The following IQUB variants were observed in gnomAD, a reference collection of about 807,000 sequenced individuals.
IQUB encodes the protein IQ motif and ubiquitin-like domain-containing protein.
IQUB carries 86 observed loss-of-function variants against 86.4 expected under a neutral mutation model. That is an observed-to-expected ratio of 1.00 (90% CI 0.84 to 1.19). IQUB has a LOEUF of 1.19. Ranked by LOEUF, IQUB falls within the 50% of genes most tolerant of loss-of-function variation. The probability of loss-of-function intolerance (pLI) is 0.00; values close to 1 mark genes in which losing one functional copy is unlikely to be tolerated. For missense variants in IQUB, 946 were observed against 916.9 expected (o/e 1.03, Z -0.41); for synonymous variants, 289 against 304.5 (o/e 0.95, Z 0.53).
chr7:123,477,231 C>G (rs1794784508), intron 8 of IQUB, among the ~76,000 whole-genome samples: 1 of 152,084 alleles, frequency 6.6e-6, no homozygotes, highest in African/African-American at 2.4e-5. Context: ...GTACTGGTAT[C>G]AAAACAGAGA....
At chr7:123,469,452 C>A (rs1794427869) in intron 8 of IQUB, 68 bp from the exon 9 acceptor site, 1 of 858,330 alleles carries the variant, frequency 1.2e-6, no homozygotes, top group Non-Finnish European at 1.7e-6. Flanking sequence ...TTTGCTCCTT[C>A]TACTAAAAGT....
chr7:123,472,061 T>A (rs1429591921), intron 8 of IQUB, among the ~76,000 whole-genome samples: 1 of 151,796 alleles, frequency 6.6e-6, no homozygotes, highest in Non-Finnish European at 1.5e-5. Flanking sequence ...AACACGGTGA[T>A]AACTCATCTC....
chr7:123,477,118 C>T (rs1358408454), intron 8 of IQUB, among the ~76,000 whole-genome samples: 1 of 152,102 alleles, frequency 6.6e-6, no homozygotes, highest in Non-Finnish European at 1.5e-5. Flanking sequence ...CAAAAGAGAG[C>T]CCGCATTACC....
chr7:123,525,957 G>A (rs1293287155), intron 1 of IQUB, among the ~76,000 whole-genome samples: 2 of 136,952 alleles, frequency 1.5e-5, no homozygotes, highest in Admixed American at 1.5e-4. Context: ...ATTTTGTTAT[G>A]TACCCAGTAG....
intron 12 of IQUB, among the ~76,000 whole-genome samples, chr7:123,455,197 T>A (rs1793633700): frequency 6.6e-6 from 1 of 152,084 alleles, no homozygotes; most frequent in African/African-American, 2.4e-5. Flanking sequence ...GTAATTAGCA[T>A]ATTCATCTCA....
At chr7:123,522,385 G>A (rs1012503838) in intron 1 of IQUB, among the ~76,000 whole-genome samples, 2 of 152,148 alleles carry the variant, frequency 1.3e-5, no homozygotes, top group African/African-American at 2.4e-5. Flanking sequence ...AGGGTAAAAC[G>A]CCAGACCCCT....
chr7:123,512,180 T>C lies in IQUB; in HGVS notation c.161A>G (p.Glu54Gly), dbSNP rs1796447962. The C allele has an allele frequency of 6.2e-7, 1 of 1,614,086 alleles. No homozygotes were observed. Among genetic ancestry groups the C allele is most frequent in the Non-Finnish European group, 8.5e-7 (1 of 1,179,946 alleles). Residue 54 changes from glutamate (E) to glycine (G), a missense_variant, in exon 2 of 13, where the codon GAG becomes GGG. Transcript: ENST00000324698. Reference protein sequence around the residue: ...EHESGIEQFSESHAIHVEEQS... With the variant: ...EHESGIEQFSGSHAIHVEEQS... ...CTCCTCAACATGTATTGCATGGCTC[T>C]CACTGAATTGTTCTATTCCAGATTC...
At chr7:123,484,536 CAATCCTATTTT>C (rs1795138975) in intron 7 of IQUB, among the ~76,000 whole-genome samples, 1 of 151,916 alleles carries the variant, frequency 6.6e-6, no homozygotes, top group Non-Finnish European at 1.5e-5. Context: ...ATGATATTAG[CAATCCTATTTT>C]ATTTCCCAGT....
chr7:123,480,011 C>A, intron 7 of IQUB, 41 bp from the exon 8 acceptor site: 5 of 1,490,768 alleles, frequency 3.4e-6, no homozygotes, highest in Non-Finnish European at 3.6e-6. Context: ...TTTTAAAAAT[C>A]CCATCTTGAA....
At chr7:123,457,630 T>C (rs1793768613) in intron 11 of IQUB, 64 bp from the exon 12 acceptor site, 2 of 1,171,516 alleles carry the variant, frequency 1.7e-6, no homozygotes, top group Admixed American at 4.7e-5. Context: ...ATTATATTAC[T>C]TGAGCAAATA....
At chr7:123,502,046 T>A (rs2117200099) in intron 6 of IQUB, 1 of 152,864 alleles carries the variant, frequency 6.5e-6, no homozygotes, top group Admixed American at 6.5e-5. Flanking sequence ...GGTCTTGGGC[T>A]GAATAGCCTA....
At chr7:123,460,166 T>C (rs4727971) in intron 11 of IQUB, among the ~76,000 whole-genome samples, 124,458 of 151,860 alleles carry the variant, frequency 0.82, 51,054 homozygotes, top group African/African-American at 0.84. Flanking sequence ...ACAAGTTAGT[T>C]AACCACTCAG....
chr7:123,510,140 T>C (rs1917708), intron 2 of IQUB, 105 bp from the exon 3 acceptor site: 194,089 of 698,944 alleles, frequency 0.28, 27,652 homozygotes, highest in East Asian at 0.33. Flanking sequence ...TTTAATTACA[T>C]AGAATACAAG....
chr7:123,490,944 A>G (rs1795431791), intron 7 of IQUB, among the ~76,000 whole-genome samples: 1 of 151,492 alleles, frequency 6.6e-6, no homozygotes. Context: ...AGCCTGGGCA[A>G]CAAGAGCAAA....
intron 7 of IQUB, among the ~76,000 whole-genome samples, chr7:123,482,412 G>A (rs184600482): frequency 1.1e-4 from 17 of 151,950 alleles, no homozygotes; most frequent in East Asian, 7.7e-4. Flanking sequence ...CATTTATATA[G>A]ACATATCATA....
At chr7:123,479,026 A>C (rs184684456) in intron 8 of IQUB, among the ~76,000 whole-genome samples, 11 of 152,284 alleles carry the variant, frequency 7.2e-5, no homozygotes, top group Non-Finnish European at 1.6e-4. Flanking sequence ...GGAGTGAAGA[A>C]GATGAGAGGA....
Position 123,517,688 on chromosome 7 carries a change from A to G in IQUB, c.-4-5344T>C, listed in dbSNP as rs185506935. Among the ~76,000 whole-genome samples the G allele has an allele frequency of 9.9e-5, 15 of 152,268 alleles. No homozygotes were observed. The East Asian group carries it at 2.9e-3, about 29-fold the overall frequency. On this transcript the variant is annotated intron_variant, in intron 1 of 12. Transcript: ENST00000324698. ...CACAGGGAACTGTCTTCCATGAGGA[A>G]TCAGAACCATCCATGGACCAACAAC...
chr7:123,452,998 C>CGGTGCCTT, intron 12 of IQUB, 73 bp from the exon 13 acceptor site: 2 of 1,139,930 alleles, frequency 1.8e-6, no homozygotes, highest in Non-Finnish European at 2.5e-6. Context: ...TGTCATGCCT[C>CGGTGCCTT]GGTGCCTTTG....
chr7:123,511,318 G>T (rs1393275494), intron 2 of IQUB, among the ~76,000 whole-genome samples: 1 of 152,082 alleles, frequency 6.6e-6, no homozygotes, highest in Non-Finnish European at 1.5e-5. Context: ...AACTAGAATG[G>T]TTCTCTGTGT....
Sources: allele counts gnomAD v4.1 joint callset (sites outside exome capture counted in the v4.1 genomes callset), GRCh38; gene constraint gnomAD v4.1.1; transcripts MANE v1.5; gene names NCBI Gene and HGNC (gene_info 2026-07-23, HGNC 2026-07-21).